The following DCLK2 variants were observed in gnomAD, a reference collection of about 807,000 sequenced individuals.
The protein encoded by DCLK2 is serine/threonine-protein kinase DCLK2.
In DCLK2, 31 loss-of-function variants were observed where a neutral mutation model predicts 78.4. That is an observed-to-expected ratio of 0.40 (90% CI 0.30 to 0.53). The LOEUF is 0.53. Among genes scored for constraint, DCLK2 ranks in the 20% least tolerant of loss-of-function variants. DCLK2 has a pLI of 0.61. For missense variants in DCLK2, 872 were observed against 973.7 expected (o/e 0.90, Z 1.39); for synonymous variants, 407 against 374.9 (o/e 1.09, Z -0.99).
chr4:150,166,168 A>G (rs1736057193), intron 2 of DCLK2, among the ~76,000 whole-genome samples: 1 of 152,168 alleles, frequency 6.6e-6, no homozygotes, highest in African/African-American at 2.4e-5. Flanking sequence ...GGTAATTTAG[A>G]TATTAATACC....
intron 1 of DCLK2, among the ~76,000 whole-genome samples, chr4:150,087,807 ATTTC>A (rs896974899): frequency 6.6e-6 from 1 of 152,196 alleles, no homozygotes; most frequent in African/African-American, 2.4e-5. Context: ...AGGTCAAATC[ATTTC>A]TTTATAGCCA....
intron 2 of DCLK2, among the ~76,000 whole-genome samples, chr4:150,111,367 A>T (rs994289626): frequency 6.6e-6 from 1 of 152,094 alleles, no homozygotes; most frequent in Non-Finnish European, 1.5e-5. Context: ...TTCCTTGTAG[A>T]TTCTGGGTAT....
chr4:150,235,037 C>T (rs1742385347), intron 10 of DCLK2, among the ~76,000 whole-genome samples: 1 of 152,166 alleles, frequency 6.6e-6, no homozygotes, highest in Non-Finnish European at 1.5e-5. Flanking sequence ...TCCTGCTCTC[C>T]ACAACCTGCC....
chr4:150,121,430 A>G (rs964018921), intron 2 of DCLK2, among the ~76,000 whole-genome samples: 1 of 151,836 alleles, frequency 6.6e-6, no homozygotes, highest in Non-Finnish European at 1.5e-5. Flanking sequence ...ATTAGAAGCA[A>G]CTCCTATTCT....
chr4:150,107,903 C>T (rs909465624), intron 2 of DCLK2, among the ~76,000 whole-genome samples: 1 of 151,644 alleles, frequency 6.6e-6, no homozygotes, highest in African/African-American at 2.4e-5. Context: ...CTCAGGAGTT[C>T]GAGGCTGCAG....
At chr4:150,193,432 A>G (rs1738622387) in intron 3 of DCLK2, among the ~76,000 whole-genome samples, 192 bp downstream of exon 3, 1 of 152,018 alleles carries the variant, frequency 6.6e-6, no homozygotes, top group African/African-American at 2.4e-5. Flanking sequence ...ATAAAAAAAG[A>G]AAGAAAGAAA....
In DCLK2 at chr4:150,249,639, G is replaced by T; in HGVS notation, c.2028G>T (p.Ala676=). The part of the protein sequence containing the change: ...TGKLKQHFNN[A]LPKQNSTTTG... ...AACTAAAACAGCACTTTAATAATGC[G>T]CTCCCCAAACAGAACAGCACTACCA... The change falls in exon 15 of 16, where the codon GCG becomes GCT. Residue 676 remains alanine (A), a synonymous_variant. Coordinates refer to ENST00000296550, the MANE Select transcript of DCLK2 (RefSeq NM_001040260.4). The T allele has an allele frequency of 1.2e-6, 2 of 1,613,696 alleles. No individual in the cohort carries two copies. The highest frequency in any genetic ancestry group is 1.7e-6 in the Non-Finnish European group (2 of 1,179,976).
intron 2 of DCLK2, among the ~76,000 whole-genome samples, chr4:150,148,620 A>G (rs1048414181): frequency 2.0e-5 from 3 of 152,152 alleles, no homozygotes; most frequent in Non-Finnish European, 4.4e-5. Flanking sequence ...TTGATTCACC[A>G]CAAATTTGAT....
intron 2 of DCLK2, among the ~76,000 whole-genome samples, chr4:150,123,816 A>G (rs936370018): frequency 6.6e-6 from 1 of 152,088 alleles, no homozygotes; most frequent in African/African-American, 2.4e-5. Flanking sequence ...CCAGGGCGGG[A>G]AGAGTGCTTG....
Position 150,198,031 on chromosome 4 carries a change from C to T in DCLK2, c.889C>T (p.Arg297Ter), listed in dbSNP as rs1417038937. 6 of 1,613,588 alleles carry T rather than the reference C, an allele frequency of 3.7e-6. No homozygotes were observed. The highest frequency in any genetic ancestry group is 5.1e-6 in the Non-Finnish European group (6 of 1,179,894). ...TCGTGTCCTGAAGTCATCTTATTCTCGATCCTCAGCTGTTAAGTATTCTGG... is the reference window on the plus strand; with the variant it reads ...TCGTGTCCTGAAGTCATCTTATTCTTGATCCTCAGCTGTTAAGTATTCTGG... ...ECRVLKSSYS[R>*]SSAVKYSGSK... The change falls in exon 4 of 16, where the codon CGA becomes TGA. Residue 297 changes from arginine to a stop codon, truncating the protein, a stop_gained. Coordinates refer to ENST00000296550, the MANE Select transcript of DCLK2 (RefSeq NM_001040260.4). LOFTEE classifies it high-confidence loss of function.
chr4:150,155,499 T>C (rs140115050), intron 2 of DCLK2, among the ~76,000 whole-genome samples: 1 of 152,206 alleles, frequency 6.6e-6, no homozygotes, highest in Admixed American at 6.5e-5. Flanking sequence ...TGTACTGATA[T>C]TTGATAAGTG....
intron 2 of DCLK2, among the ~76,000 whole-genome samples, chr4:150,105,860 A>T (rs1271219133): frequency 6.6e-6 from 1 of 152,086 alleles, no homozygotes. Context: ...AAAGAAAAGT[A>T]GCAGCAGAAG....
chr4:150,199,139 C>G (rs754256685), intron 4 of DCLK2: 50 of 1,444,916 alleles, frequency 3.5e-5, no homozygotes, highest in Admixed American at 9.6e-5. Context: ...TTTTTTGCCA[C>G]TTTTCTGTTT....
At chr4:150,211,119 C>T (rs761147264) in intron 5 of DCLK2, among the ~76,000 whole-genome samples, 14 of 152,290 alleles carry the variant, frequency 9.2e-5, no homozygotes, top group South Asian at 6.2e-4. Flanking sequence ...AGTCAAGACG[C>T]GTCCCAGGGC....
intron 2 of DCLK2, among the ~76,000 whole-genome samples, chr4:150,148,770 C>T (rs573749729): frequency 7.9e-5 from 12 of 151,432 alleles, no homozygotes; most frequent in African/African-American, 2.7e-4. Flanking sequence ...TGGTGGCTCA[C>T]GCCAGTAATC....
chr4:150,247,457 A>G, intron 12 of DCLK2, 146 bp from the exon 13 acceptor site: 1 of 607,828 alleles, frequency 1.6e-6, no homozygotes, highest in Admixed American at 3.0e-5. Context: ...GTCATTACAA[A>G]TGGAATTGAG....
intron 5 of DCLK2, 131 bp from the exon 6 acceptor site, chr4:150,220,569 TGAG>T (rs1446370711): frequency 6.2e-6 from 4 of 648,936 alleles, no homozygotes; most frequent in South Asian, 1.9e-5. Flanking sequence ...AGAGGTGAGA[TGAG>T]AAGAAAGGGA....
At chr4:150,225,807 C>T (rs1560887758) in intron 8 of DCLK2, among the ~76,000 whole-genome samples, 1 of 152,170 alleles carries the variant, frequency 6.6e-6, no homozygotes, top group Non-Finnish European at 1.5e-5. Context: ...CACTGCTGCT[C>T]TAGAGCCAGA....
chr4:150,194,492 AT>A (rs778658443), intron 3 of DCLK2, among the ~76,000 whole-genome samples: 128 of 152,280 alleles, frequency 8.4e-4, no homozygotes, highest in Non-Finnish European at 1.6e-3. Context: ...AATATATGGC[AT>A]TTTCAAGTAG....
Sources: gnomAD v4.1 joint callset for allele counts (sites outside exome capture counted in the v4.1 genomes callset) on GRCh38, gnomAD v4.1.1 for gene constraint, MANE v1.5 for transcripts, NCBI Gene and HGNC (gene_info 2026-07-23, HGNC 2026-07-21) for gene names.